Variants in XXYLT1 observed in about 807,000 individuals in gnomAD.
XXYLT1 encodes the protein xyloside xylosyltransferase 1.
A neutral mutation model predicts 28.9 loss-of-function variants in XXYLT1; 20 were observed. The ratio of observed to expected loss-of-function variants is 0.69; its 90% CI spans 0.49 to 1.00. XXYLT1 has a LOEUF of 1.00. XXYLT1 is among the 50% of genes least tolerant of loss of function. The probability of loss-of-function intolerance (pLI) is 0.00; values close to 1 mark genes in which losing one functional copy is unlikely to be tolerated. For synonymous variants in XXYLT1, 257 were observed against 253.8 expected (o/e 1.01, Z -0.12); for missense variants, 542 against 560.1 (o/e 0.97, Z 0.33).
chr3:195,185,085 AGAAGGAAGGAAGGAAGGAAG>A (rs10575198), intron 2 of XXYLT1, among the ~76,000 whole-genome samples: 3,676 of 100,888 alleles, frequency 0.036, 86 homozygotes, highest in East Asian at 0.076. Flanking sequence ...GAAAGAAGGA[AGAAGGAAGGAAGGAAGGAAG>A]GAAGGAAGGA....
chr3:195,184,064 T>C (rs1165516197), intron 2 of XXYLT1, among the ~76,000 whole-genome samples: 3 of 152,228 alleles, frequency 2.0e-5, no homozygotes, highest in Non-Finnish European at 2.9e-5. Flanking sequence ...ACAAATGGCC[T>C]AGTTTGTGCA....
chr3:195,137,834 T>A (rs1719280136), intron 3 of XXYLT1, among the ~76,000 whole-genome samples: 1 of 152,206 alleles, frequency 6.6e-6, no homozygotes, highest in Non-Finnish European at 1.5e-5. Context: ...AGGCCAGTGA[T>A]TCTCAAACAG....
intron 1 of XXYLT1, among the ~76,000 whole-genome samples, chr3:195,243,099 C>T (rs1724848616): frequency 6.6e-6 from 1 of 152,092 alleles, no homozygotes; most frequent in Non-Finnish European, 1.5e-5. Context: ...TCTCAGCAAA[C>T]TATCGCAAGG....
chr3:195,069,800 C>T lies in XXYLT1; in HGVS notation c.1097G>A (p.Ser366Asn). 1.2e-6 allele frequency: 2 copies of T among 1,614,202 alleles called. No homozygotes were observed. The highest frequency in any genetic ancestry group is 1.7e-6 in the Non-Finnish European group (2 of 1,180,044). The change falls in exon 4 of 4, where the codon AGT becomes AAT. Residue 366 changes from serine (S) to asparagine (N), a missense_variant. Coordinates refer to ENST00000310380, the MANE Select transcript of XXYLT1 (RefSeq NM_152531.5). ...LCTWWRDHGY[S>N]DVFEAYFRCE... ...CCTGAAATAGGCCTCGAAGACGTCA[C>T]TGTAGCCATGGTCCCTCCACCAGGT...
chr3:195,223,710 C>T (rs1723925872), intron 2 of XXYLT1, among the ~76,000 whole-genome samples: 1 of 152,180 alleles, frequency 6.6e-6, no homozygotes, highest in Admixed American at 6.5e-5. Flanking sequence ...AGGAACTCCC[C>T]AGTGCTGCCA....
At chr3:195,248,981 C>T (rs1480740972) in intron 1 of XXYLT1, among the ~76,000 whole-genome samples, 9 of 152,114 alleles carry the variant, frequency 5.9e-5, no homozygotes, top group East Asian at 1.9e-4. Flanking sequence ...TTATCAGCAG[C>T]GTGAAAATGG....
chr3:195,095,637 C>T (rs752018028), intron 3 of XXYLT1: 2 of 153,908 alleles, frequency 1.3e-5, no homozygotes, highest in East Asian at 1.9e-4. Flanking sequence ...TGAGCAACAG[C>T]GCCTGATGAC....
intron 3 of XXYLT1, among the ~76,000 whole-genome samples, chr3:195,071,969 T>C (rs1363268551): frequency 1.3e-5 from 2 of 152,138 alleles, no homozygotes; most frequent in African/African-American, 4.8e-5. Flanking sequence ...GCCGAGGTCC[T>C]GGACTACCTC....
chr3:195,136,904 G>A (rs535180028), intron 3 of XXYLT1, among the ~76,000 whole-genome samples: 9 of 152,044 alleles, frequency 5.9e-5, no homozygotes, highest in African/African-American at 2.2e-4. Context: ...AAGTGGCGTC[G>A]AAGGGTAAAA....
At chr3:195,188,904 T>G (rs1378871810) in intron 2 of XXYLT1, among the ~76,000 whole-genome samples, 2 of 152,196 alleles carry the variant, frequency 1.3e-5, no homozygotes, top group Non-Finnish European at 2.9e-5. Flanking sequence ...TACAGTAACA[T>G]CCGATGGCTA....
At chr3:195,202,050 A>T (rs189956662) in intron 2 of XXYLT1, among the ~76,000 whole-genome samples, 13 of 151,998 alleles carry the variant, frequency 8.6e-5, no homozygotes, top group African/African-American at 1.7e-4. Flanking sequence ...GGTGGTGTGC[A>T]CCTGTAATCC....
chr3:195,255,647 C>T lies in XXYLT1; in HGVS notation c.504+14908G>A, dbSNP rs141065486. 0.01 allele frequency among the ~76,000 whole-genome samples: 1,596 copies of T among 152,204 alleles called. 87 individuals are homozygous for T. The highest frequency in any genetic ancestry group is 0.096 in the Admixed American group (1,466 of 15,294). Reference sequence around the variant, plus strand: ...GCAAGCACAGCGTAGAACTGGCTTCCGAACACAAGGGAAGGCAGGCAGGGA... The same window carrying T: ...GCAAGCACAGCGTAGAACTGGCTTCTGAACACAAGGGAAGGCAGGCAGGGA... On this transcript the variant is annotated intron_variant, in intron 1 of 3. Transcript: ENST00000310380. The surrounding 1 kb of genome is among the most constrained non-coding windows in gnomAD (Gnocchi z 4.5).
intron 1 of XXYLT1, among the ~76,000 whole-genome samples, chr3:195,228,874 G>A (rs150618722): frequency 0.061 from 9,145 of 150,864 alleles, 958 homozygotes; most frequent in African/African-American, 0.21. Flanking sequence ...GTGCAGTGGC[G>A]TGATCTCGGC....
At chr3:195,226,566 G>A in intron 2 of XXYLT1, 143 bp downstream of exon 2, 1 of 1,008,346 alleles carries the variant, frequency 9.9e-7, no homozygotes, top group Non-Finnish European at 1.4e-6. Context: ...TGGTACAAAG[G>A]GCTTGGTCTG....
chr3:195,132,121 C>T (rs973049612), intron 3 of XXYLT1, among the ~76,000 whole-genome samples: 2 of 152,206 alleles, frequency 1.3e-5, no homozygotes, highest in Non-Finnish European at 2.9e-5. Context: ...TGATCCACAC[C>T]GCTAAGGCCT....
chr3:195,244,850 C>CA (rs137953417), intron 1 of XXYLT1, among the ~76,000 whole-genome samples: 2,226 of 93,606 alleles, frequency 0.024, 72 homozygotes, highest in African/African-American at 0.077. Flanking sequence ...GACTCTGTCT[C>CA]AAAAAAAAAA....
intron 2 of XXYLT1, among the ~76,000 whole-genome samples, chr3:195,219,011 T>G (rs567842891): frequency 6.6e-6 from 1 of 152,110 alleles, no homozygotes; most frequent in African/African-American, 2.4e-5. Flanking sequence ...TAATGTCCTT[T>G]GTAGGGACAT....
intron 2 of XXYLT1, among the ~76,000 whole-genome samples, chr3:195,198,494 G>A (rs1722719235): frequency 6.6e-6 from 1 of 152,102 alleles, no homozygotes; most frequent in Non-Finnish European, 1.5e-5. Flanking sequence ...GGGAGTCAGG[G>A]GAGCTGGGAT....
intron 2 of XXYLT1, among the ~76,000 whole-genome samples, chr3:195,163,333 C>A (rs1720965675): frequency 6.6e-6 from 1 of 152,172 alleles, no homozygotes; most frequent in Non-Finnish European, 1.5e-5. Context: ...GCATTTGAGC[C>A]CATGCCACCT....
Sources: allele counts gnomAD v4.1 joint callset (sites outside exome capture counted in the v4.1 genomes callset), GRCh38; gene constraint gnomAD v4.1.1; non-coding constraint Gnocchi (gnomAD v3.1); transcripts MANE v1.5; gene names NCBI Gene and HGNC (gene_info 2026-07-23, HGNC 2026-07-21).